Variants in DLG5 observed in about 807,000 individuals in gnomAD.
DLG5 encodes the protein disks large homolog 5.
Under a neutral mutation model 189.8 loss-of-function variants are expected in DLG5, and 48 were observed. That is an observed-to-expected ratio of 0.25 (90% CI 0.20 to 0.32). The LOEUF is 0.32. Among genes scored for constraint, DLG5 ranks in the 10% least tolerant of loss-of-function variants. DLG5 has a pLI of 1.00. For synonymous variants in DLG5, 1,016 were observed against 1,054.1 expected, an observed-to-expected ratio of 0.96 and a Z score of 0.70; for missense variants, 2,160 against 2,544.7, an observed-to-expected ratio of 0.85 and a Z score of 3.25.
chr10:77,935,533 G>C, the DLG5 span, among the ~76,000 whole-genome samples: 1 of 151,862 alleles, frequency 6.6e-6, no homozygotes, highest in Non-Finnish European at 1.5e-5. Flanking sequence ...TGTTTTAATG[G>C]ATAAGCTACA....
chr10:77,830,338 T>A lies in DLG5; in HGVS notation c.1888A>T (p.Ile630Phe). Residue 630 changes from isoleucine to phenylalanine, a missense_variant, in exon 11 of 32, where the codon ATT becomes TTT. Coordinates refer to ENST00000372391, the MANE Select transcript of DLG5 (RefSeq NM_004747.4). ...TCAAACCCCAGTGCCTTCAAGTCAA[T>A]ATCCTCCTGCAAAAACAGCAGCAAC... ...VVEFERETED[I>F]DLKALGFDMA... is the part of the protein sequence containing the mutation. 1.9e-6 allele frequency: 3 copies of A among 1,614,116 alleles called. No individual in the cohort carries two copies. Among genetic ancestry groups the A allele is most frequent in the Non-Finnish European group, 2.5e-6 (3 of 1,180,022 alleles).
At chr10:77,914,054 C>G (rs973866203) in intron 1 of DLG5, among the ~76,000 whole-genome samples, 2 of 152,220 alleles carry the variant, frequency 1.3e-5, no homozygotes, top group Non-Finnish European at 2.9e-5. Flanking sequence ...CCTGCACCAT[C>G]TGAAAATGAG....
At chr10:77,903,979 G>A (rs878961045) in intron 1 of DLG5, among the ~76,000 whole-genome samples, 7 of 152,246 alleles carry the variant, frequency 4.6e-5, no homozygotes, top group South Asian at 4.2e-4. Context: ...AAGAGCTCTC[G>A]CAATTCCTTA....
intron 6 of DLG5, 151 bp downstream of exon 6, chr10:77,843,296 G>T: frequency 2.1e-6 from 2 of 934,492 alleles, no homozygotes; most frequent in African/African-American, 1.6e-5. Context: ...CGATTCCCAA[G>T]ACACATTCAG....
intron 13 of DLG5, among the ~76,000 whole-genome samples, chr10:77,828,486 C>CAAAAAAAAAAA (rs34839290): frequency 3.0e-5 from 2 of 66,462 alleles, no homozygotes; most frequent in East Asian, 5.7e-4. Context: ...GACTCCATAT[C>CAAAAAAAAAAA]AAAAAAAAAA....
At position 77,925,672 on chromosome 10, in the gene DLG5, C is replaced by G. The variant is rs112855167; in HGVS notation, c.304+545G>C. On this transcript the variant is annotated intron_variant, in intron 1 of 31. Transcript: ENST00000372391. ...GGCCCAGTTTCCAAAGAAACCCAGGCAGGCGTTGTGCACAATCAGCCACCA... is the reference window on the plus strand; with the variant it reads ...GGCCCAGTTTCCAAAGAAACCCAGGGAGGCGTTGTGCACAATCAGCCACCA... Among the ~76,000 whole-genome samples, 203 of 152,324 alleles carry G rather than the reference C, an allele frequency of 1.3e-3. 2 individuals are homozygous for G. Among genetic ancestry groups the G allele is most frequent in the African/African-American group, 4.3e-3 (178 of 41,578 alleles).
chr10:77,897,998 T>C (rs915953022), intron 1 of DLG5, among the ~76,000 whole-genome samples: 37 of 152,226 alleles, frequency 2.4e-4, no homozygotes, highest in African/African-American at 7.5e-4. Context: ...CCCTCCGAAG[T>C]CCTGTGATTG....
rs376751552 is a variant in DLG5 at position 77,854,286 on chromosome 10, G to T, written c.621C>A (p.Asn207Lys). ...ACCTCTTCAAGGCGTTGGTGTGCTG[G>T]TTCTGCAGGCTCTGCAGGTCCGACA... ...RAMSDLQSLQNQHTNALKRCE... is the reference protein window; with the variant it reads ...RAMSDLQSLQKQHTNALKRCE... The change falls in exon 4 of 32, where the codon AAC (asparagine) becomes AAA (lysine). Residue 207 changes from asparagine (N) to lysine (K), a missense_variant. Physicochemically the swap from Asn to Lys is moderately conservative, Grantham distance 94. This residue lies in a region of DLG5 where 664 missense variants were observed against 838.5 expected (regional missense o/e 0.79). Transcript: ENST00000372391. 1 of 1,614,104 alleles carries T rather than the reference G, an allele frequency of 6.2e-7. No homozygotes were observed. Among genetic ancestry groups the T allele is most frequent in the Non-Finnish European group, 8.5e-7 (1 of 1,180,058 alleles).
Position 77,845,010 on chromosome 10 carries a change from G to C in DLG5, c.865-1304C>G, listed in dbSNP as rs1204791970. On this transcript the variant is annotated intron_variant, in intron 5 of 31. Coordinates refer to ENST00000372391, the MANE Select transcript of DLG5 (RefSeq NM_004747.4). Reference sequence around the variant, plus strand: ...ACCTGGAGAAGTGGGTGTGGGCATGGGGGTGGCCATGGCCGCAGGCCTCAC... The same window carrying C: ...ACCTGGAGAAGTGGGTGTGGGCATGCGGGTGGCCATGGCCGCAGGCCTCAC... Among the ~76,000 whole-genome samples, 3 of 152,232 alleles carry C rather than the reference G, an allele frequency of 2.0e-5. No individual in the cohort carries two copies. The East Asian group carries it at 5.8e-4, about 29-fold the overall frequency.
chr10:77,815,639 C>T (rs1032505300), intron 20 of DLG5, among the ~76,000 whole-genome samples: 5 of 151,868 alleles, frequency 3.3e-5, no homozygotes, highest in East Asian at 1.9e-4. Context: ...CCAGCCTGGG[C>T]GAAAAGAGCA....
Position 77,796,734 on chromosome 10 carries a change from C to G in DLG5, c.5165-140G>C. Reference sequence around the variant, plus strand: ...AGCTTCAGCACTGAAAATCTCGTGTCCCAGGCACAACCGGGCATCGTCACC... The same window carrying G: ...AGCTTCAGCACTGAAAATCTCGTGTGCCAGGCACAACCGGGCATCGTCACC... On this transcript the variant is annotated intron_variant, in intron 27 of 31. Coordinates refer to ENST00000372391, the MANE Select transcript of DLG5 (RefSeq NM_004747.4). This position sits in a 1 kb window ranked among gnomAD's most constrained non-coding sequence, Gnocchi z 5.2. 9.2e-7 allele frequency: 1 copy of G among 1,087,368 alleles called. No homozygotes were observed. The highest frequency in any genetic ancestry group is 1.5e-5 in the South Asian group (1 of 66,086). 67.4% of individuals were successfully genotyped at this position (1,087,368 alleles called of 1,614,324 possible).
intron 6 of DLG5, 149 bp downstream of exon 6, chr10:77,843,296 GAC>G (rs1843516089): frequency 3.2e-6 from 3 of 934,374 alleles, no homozygotes; most frequent in Non-Finnish European, 3.2e-6. Context: ...CGATTCCCAA[GAC>G]ACATTCAGTG....
chr10:77,934,418 A>C, the DLG5 span, among the ~76,000 whole-genome samples: 9 of 152,106 alleles, frequency 5.9e-5, no homozygotes, highest in Non-Finnish European at 2.9e-5. Flanking sequence ...CATAAAGTAA[A>C]ATAGGGAGAG....
chr10:77,841,838 C>T (rs1348367239), intron 7 of DLG5, 43 bp downstream of exon 7: 9 of 1,579,904 alleles, frequency 5.7e-6, no homozygotes, highest in Non-Finnish European at 6.9e-6. Context: ...TCCCGGGATG[C>T]TGTAGGAGAG....
rs115048846 is a variant in DLG5 at position 77,880,748 on chromosome 10, T to A, written c.305-11551A>T. Among the ~76,000 whole-genome samples the A allele has an allele frequency of 3.2e-3, 483 of 152,262 alleles. 2 individuals are homozygous for A. The highest frequency in any genetic ancestry group is 0.011 in the African/African-American group (465 of 41,540). On this transcript the variant is annotated intron_variant, in intron 1 of 31. Transcript: ENST00000372391. ...GTTGTTACACTCTACTCATATCAGG[T>A]AACATTTATTGAGTACTTGTTGCAA...
At chr10:77,921,720 A>G (rs567311909) in intron 1 of DLG5, among the ~76,000 whole-genome samples, 76 of 152,324 alleles carry the variant, frequency 5.0e-4, no homozygotes, top group African/African-American at 1.8e-3. Context: ...GTCCCAGCAC[A>G]TTCGTGAAGC....
At chr10:77,935,479 T>G in the DLG5 span, among the ~76,000 whole-genome samples, 1 of 152,000 alleles carries the variant, frequency 6.6e-6, no homozygotes, top group Non-Finnish European at 1.5e-5. Context: ...GGGCTTTCTC[T>G]GCAGGCTAAG....
Position 77,823,993 on chromosome 10 carries a change from A to G in DLG5, c.2382+391T>C, listed in dbSNP as rs576377103. Among the ~76,000 whole-genome samples, 293 of 152,232 alleles carry G rather than the reference A, an allele frequency of 1.9e-3. 1 individual carries two copies. The highest frequency in any genetic ancestry group is 6.7e-3 in the African/African-American group (280 of 41,528). Reference sequence around the variant, plus strand: ...AGTGATTCGACTGCCTTGGCCTCCCAAAGTGTTGGGGTTACAGGCATGAGC... The same window carrying G: ...AGTGATTCGACTGCCTTGGCCTCCCGAAGTGTTGGGGTTACAGGCATGAGC... On this transcript the variant is annotated intron_variant, in intron 14 of 31. Coordinates refer to ENST00000372391, the MANE Select transcript of DLG5 (RefSeq NM_004747.4).
intron 1 of DLG5, among the ~76,000 whole-genome samples, chr10:77,891,290 G>A (rs1432877789): frequency 1.9e-4 from 29 of 152,282 alleles, no homozygotes; most frequent in Admixed American, 1.8e-3. Context: ...TGTTGCCATC[G>A]TGAAATCCTC....
Sources: gnomAD v4.1 joint callset for allele counts (sites outside exome capture counted in the v4.1 genomes callset) on GRCh38, gnomAD v4.1.1 for gene constraint, gnomAD v4.1.1 regional missense constraint, Gnocchi (gnomAD v3.1) non-coding constraint, MANE v1.5 for transcripts, NCBI Gene and HGNC (gene_info 2026-07-23, HGNC 2026-07-21) for gene names.